RECQL: variants seen among roughly 807,000 people sequenced by gnomAD.
RECQL encodes ATP-dependent DNA helicase Q1.
RECQL carries 73 observed loss-of-function variants against 75.8 expected under a neutral mutation model. The ratio of observed to expected loss-of-function variants is 0.96; its 90% confidence interval spans 0.80 to 1.17. RECQL has a LOEUF of 1.17. Among genes scored for constraint, RECQL ranks in the 50% most tolerant of loss-of-function variants. RECQL has a pLI of 0.00. For synonymous variants in RECQL, 248 were observed against 254.4 expected, an observed-to-expected ratio of 0.97 and a Z score of 0.24; for missense variants, 699 against 772.1, an observed-to-expected ratio of 0.91 and a Z score of 1.12.
In RECQL at chr12:21,473,650, C is replaced by T. The variant is rs1463056049; in HGVS notation, c.1356-8G>A. On this transcript the variant is annotated splice_polypyrimidine_tract_variant and splice_region_variant and intron_variant, in intron 11 of 14. Coordinates refer to ENST00000444129, the MANE Select transcript of RECQL (RefSeq NM_002907.4). ...ATCAACACACGACGACATCTGCAAA[C>T]ACATTTAAAGATACAAATTATTAAA... The T allele has an allele frequency of 6.2e-7, 1 of 1,609,028 alleles. No homozygotes were observed. Among genetic ancestry groups the T allele is most frequent in the Admixed American group, 1.7e-5 (1 of 59,784 alleles).
In RECQL at chr12:21,473,396, C is replaced by A. The variant is rs917853; in HGVS notation, c.1447+155G>T. ...CTAGGATCAATAGGCTATAACATAT[C>A]ACCTAGGAGACTATACCATCTAGGT... On this transcript the variant is annotated intron_variant, in intron 12 of 14. Transcript: ENST00000444129. Among the ~76,000 whole-genome samples the A allele has an allele frequency of 1, 152,177 of 152,200 alleles. 76,077 individuals are homozygous for A. The highest frequency in any genetic ancestry group is 1 in the Non-Finnish European group (67,988 of 67,988).
chr12:21,488,506 C>T (rs1418111416), intron 4 of RECQL, among the ~76,000 whole-genome samples: 2 of 152,180 alleles, frequency 1.3e-5, no homozygotes, highest in Admixed American at 6.5e-5. Flanking sequence ...CACAAACATC[C>T]TCCTACTCAT....
At chr12:21,480,491 G>T (rs1943172518) in intron 6 of RECQL, among the ~76,000 whole-genome samples, 1 of 152,100 alleles carries the variant, frequency 6.6e-6, no homozygotes, top group African/African-American at 2.4e-5. Flanking sequence ...TGCAAAGGGA[G>T]GGTAAATCAA....
At chr12:21,493,819 A>C (rs1165195051) in intron 2 of RECQL, among the ~76,000 whole-genome samples, 1 of 152,178 alleles carries the variant, frequency 6.6e-6, no homozygotes, top group Non-Finnish European at 1.5e-5. Context: ...ACCATCTTTC[A>C]GTGCTTTAAG....
At chr12:21,497,158 G>A (rs542635948) in intron 2 of RECQL, among the ~76,000 whole-genome samples, 1 of 152,234 alleles carries the variant, frequency 6.6e-6, no homozygotes, top group Non-Finnish European at 1.5e-5. Flanking sequence ...AATTCATCAG[G>A]CAGGCCTCCA....
intron 2 of RECQL, among the ~76,000 whole-genome samples, chr12:21,495,231 T>C (rs1483549319): frequency 6.6e-6 from 1 of 152,088 alleles, no homozygotes; most frequent in Middle Eastern, 3.2e-3. Flanking sequence ...ACCACACAGC[T>C]AAAAATGTAT....
chr12:21,474,971 C>T lies in RECQL; in HGVS notation c.1225G>A (p.Asp409Asn). The change falls in exon 11 of 15, where the codon GAC becomes AAC. Residue 409 changes from aspartate to asparagine, a missense_variant. This residue lies in a region of RECQL where 669 missense variants were observed against 713.5 expected (regional missense o/e 0.94). Coordinates refer to ENST00000444129, the MANE Select transcript of RECQL (RefSeq NM_002907.4). ...YQESGRAGRD[D>N]MKADCILYYG... The stretch of plus-strand genomic sequence containing the variant: ...TACAAAATACAGTCTGCTTTCATGT[C>T]ATCTCGACCTGTGGTGTGAGAAACC... 5 of 1,612,032 alleles carry T rather than the reference C, an allele frequency of 3.1e-6. No individual in the cohort carries two copies. The highest frequency in any genetic ancestry group is 4.2e-6 in the Non-Finnish European group (5 of 1,178,688).
In RECQL at chr12:21,489,519, T is replaced by C. The variant is rs79596972; in HGVS notation, c.394+680A>G. On this transcript the variant is annotated intron_variant, in intron 4 of 14. Transcript: ENST00000444129. ...ACTAAAGTCTGAGAAAGTGCTACTC[T>C]ACACTATGAGTTCTGTGAAAACTAA... Among the ~76,000 whole-genome samples the C allele has an allele frequency of 3.5e-3, 529 of 152,342 alleles. 3 individuals carry two copies. Among genetic ancestry groups the C allele is most frequent in the African/African-American group, 0.012 (483 of 41,576 alleles).
intron 7 of RECQL, 57 bp downstream of exon 7, chr12:21,477,746 A>T: frequency 7.2e-7 from 1 of 1,393,504 alleles, no homozygotes; most frequent in Non-Finnish European, 9.8e-7. Context: ...ATAAAAAGGC[A>T]GATCCCCTCT....
At chr12:21,489,118 C>G (rs972319104) in intron 4 of RECQL, among the ~76,000 whole-genome samples, 1 of 152,220 alleles carries the variant, frequency 6.6e-6, no homozygotes, top group African/African-American at 2.4e-5. Flanking sequence ...CTATTAAAAC[C>G]TTTATCCCAA....
chr12:21,471,219 T>A (rs745866449), intron 13 of RECQL, 121 bp from the exon 14 acceptor site: 18 of 1,122,708 alleles, frequency 1.6e-5, no homozygotes, highest in Non-Finnish European at 2.0e-5. Context: ...TAATAAAATT[T>A]ACAAGAATGC....
intron 4 of RECQL, among the ~76,000 whole-genome samples, chr12:21,489,209 G>T (rs1348207318): frequency 6.6e-6 from 1 of 152,178 alleles, no homozygotes; most frequent in African/African-American, 2.4e-5. Flanking sequence ...GCCTATTTTT[G>T]TAAGTTATTT....
chr12:21,496,625 G>C (rs1943513498), intron 2 of RECQL, among the ~76,000 whole-genome samples: 1 of 152,178 alleles, frequency 6.6e-6, no homozygotes, highest in Non-Finnish European at 1.5e-5. Flanking sequence ...CTTGCCAGAG[G>C]ATAGAAGATA....
Position 21,469,672 on chromosome 12 carries a change from A to G in RECQL, c.*522T>C, listed in dbSNP as rs1424805424. The G allele has an allele frequency of 1.4e-5, 2 of 146,916 alleles. No homozygotes were observed. The highest frequency in any genetic ancestry group is 4.1e-4 in the East Asian group (2 of 4,860). The allele number at this position is 146,916 out of a possible 1,614,324, so 9.1% of individuals were successfully genotyped here. A position where few individuals can be genotyped will look rare whatever the true frequency, so the allele number is the denominator to read the frequency against. ...TTTTTGTAAACTTTCTTAAAACATG[A>G]GATTTTTCTTGCAATTTTTTTTTTA... On this transcript the variant is annotated 3_prime_UTR_variant, in exon 15 of 15. Transcript: ENST00000444129.
rs2137333240 is a variant in RECQL at position 21,474,885 on chromosome 12, C to T, written c.1311G>A (p.Gln437=). 1 of 1,613,152 alleles carries T rather than the reference C, an allele frequency of 6.2e-7. No homozygotes were observed. The highest frequency in any genetic ancestry group is 1.1e-5 in the South Asian group (1 of 91,048). The change falls in exon 11 of 15, where the codon CAG becomes CAA. Residue 437 remains glutamine (Q), a synonymous_variant. Transcript: ENST00000444129. ...ATGATACCATCTCATAAAGCTTCTG[C>T]TGTCCCACATTTTCCATCACCACCA... The part of the protein sequence containing the change: ...SSMVVMENVG[Q]QKLYEMVSYC...
At chr12:21,492,843 T>G (rs1943439187) in intron 2 of RECQL, among the ~76,000 whole-genome samples, 1 of 152,232 alleles carries the variant, frequency 6.6e-6, no homozygotes, top group Non-Finnish European at 1.5e-5. Context: ...CTGTGACAAG[T>G]GCACCAGCTT....
intron 1 of RECQL, among the ~76,000 whole-genome samples, chr12:21,500,211 C>T (rs374350522): frequency 6.6e-6 from 1 of 152,066 alleles, no homozygotes; most frequent in Admixed American, 6.5e-5. Flanking sequence ...AAAAGAGAAA[C>T]TGGTATTCTA....
In RECQL at chr12:21,486,531, A is replaced by G; in HGVS notation, c.449T>C (p.Val150Ala). The G allele has an allele frequency of 6.2e-7, 1 of 1,606,860 alleles. No homozygotes were observed. The highest frequency in any genetic ancestry group is 8.5e-7 in the Non-Finnish European group (1 of 1,178,178). Residue 150 changes from valine (V) to alanine (A), a missense_variant, in exon 5 of 15, where the codon GTT becomes GCT. Val to Ala is a moderately conservative substitution (Grantham distance 64). Transcript: ENST00000444129. ...LISLMEDQLM[V>A]LKQLGISATM... is the part of the protein sequence containing the mutation. Reference sequence around the variant, plus strand: ...TGCTGAAATTCCTAATTGTTTTAAAACCATTAATTGGTCTTCCATAAGAGA... The same window carrying G: ...TGCTGAAATTCCTAATTGTTTTAAAGCCATTAATTGGTCTTCCATAAGAGA...
chr12:21,489,077 C>G (rs1430380428), intron 4 of RECQL, among the ~76,000 whole-genome samples: 1 of 152,236 alleles, frequency 6.6e-6, no homozygotes, highest in Non-Finnish European at 1.5e-5. Flanking sequence ...CTGACAGCCC[C>G]TAGACCAGAT....
Sources: allele counts gnomAD v4.1 joint callset (sites outside exome capture counted in the v4.1 genomes callset), GRCh38; gene constraint gnomAD v4.1.1; regional missense constraint gnomAD v4.1.1; transcripts MANE v1.5; gene names NCBI Gene and HGNC (gene_info 2026-07-23, HGNC 2026-07-21).